CASQ2: variants seen among roughly 807,000 people sequenced by gnomAD.
CASQ2 encodes calsequestrin 2, also known as calsequestrin-2.
Under a neutral mutation model 46.5 loss-of-function variants are expected in CASQ2, and 49 were observed. The ratio of observed to expected loss-of-function variants is 1.05; its 90% CI spans 0.84 to 1.34. The LOEUF is 1.34. CASQ2 is among the 40% of genes most tolerant of loss of function. CASQ2 has a pLI of 0.00. For missense variants in CASQ2, 486 were observed against 481.3 expected (o/e 1.01, Z -0.09); for synonymous variants, 174 against 168.5 (o/e 1.03, Z -0.25).
At chr1:115,705,557 A>G (rs1337798326) in intron 8 of CASQ2, among the ~76,000 whole-genome samples, 1 of 152,214 alleles carries the variant, frequency 6.6e-6, no homozygotes. Flanking sequence ...TCATTTGTGA[A>G]AACTGCCCAG....
At chr1:115,705,696 G>T (rs1654339218) in intron 8 of CASQ2, among the ~76,000 whole-genome samples, 1 of 152,180 alleles carries the variant, frequency 6.6e-6, no homozygotes, top group African/African-American at 2.4e-5. Flanking sequence ...TAAGGACCAA[G>T]AATGTCTAAG....
intron 8 of CASQ2, among the ~76,000 whole-genome samples, chr1:115,716,375 C>A (rs1654700992): frequency 6.6e-6 from 1 of 152,178 alleles, no homozygotes; most frequent in Non-Finnish European, 1.5e-5. Context: ...TCATTTTCCC[C>A]AGGTCTCATT....
rs555137809 is a variant in CASQ2, at chr1:115,712,749, G to A, written c.838+5091C>T. Among the ~76,000 whole-genome samples, 5 of 151,842 alleles carry A rather than the reference G, an allele frequency of 3.3e-5. No homozygotes were observed. In the East Asian group the frequency reaches 5.8e-4, roughly 18 times the overall value. ...CCCATGCCTCTAATCCCAGCTACTC[G>A]GGAGGCTGAGGCAGGAGAATCGCTT... On this transcript the variant is annotated intron_variant, in intron 8 of 10. Coordinates refer to ENST00000261448, the MANE Select transcript of CASQ2 (RefSeq NM_001232.4).
At chr1:115,707,689 G>A (rs13374605) in intron 8 of CASQ2, among the ~76,000 whole-genome samples, 5,515 of 152,234 alleles carry the variant, frequency 0.036, 150 homozygotes, top group African/African-American at 0.073. Flanking sequence ...AAGACCACAA[G>A]GAGGAATTCC....
At chr1:115,716,271 G>C (rs1188462794) in intron 8 of CASQ2, among the ~76,000 whole-genome samples, 1 of 152,200 alleles carries the variant, frequency 6.6e-6, no homozygotes. Flanking sequence ...CACTGGTGTT[G>C]AAAAGAGTGA....
At chr1:115,704,608 A>C (rs1361608617) in intron 9 of CASQ2, among the ~76,000 whole-genome samples, 2 of 152,200 alleles carry the variant, frequency 1.3e-5, no homozygotes, top group Non-Finnish European at 2.9e-5. Context: ...AATGCTGTTT[A>C]TTCTTTTTTA....
chr1:115,733,603 G>A (rs1342304875), intron 4 of CASQ2, among the ~76,000 whole-genome samples: 4 of 152,044 alleles, frequency 2.6e-5, no homozygotes, highest in East Asian at 1.9e-4. Flanking sequence ...CATACTGGCC[G>A]AGGCAGTATG....
intron 2 of CASQ2, among the ~76,000 whole-genome samples, chr1:115,742,949 G>A (rs543361745): frequency 5.3e-5 from 8 of 151,754 alleles, no homozygotes; most frequent in East Asian, 2.0e-4. Context: ...CACCATGCCC[G>A]GCTAATTTGT....
At chr1:115,730,029 T>C (rs1016219101) in intron 5 of CASQ2, among the ~76,000 whole-genome samples, 1 of 152,250 alleles carries the variant, frequency 6.6e-6, no homozygotes, top group African/African-American at 2.4e-5. Flanking sequence ...TTTCTTGTTC[T>C]AACTGCTTCT....
chr1:115,754,413 A>G (rs17034482), intron 1 of CASQ2, among the ~76,000 whole-genome samples: 10,424 of 152,178 alleles, frequency 0.068, 1,213 homozygotes, highest in African/African-American at 0.24. Flanking sequence ...CCACCCCACA[A>G]TTCTGAGAGG....
At chr1:115,760,460 T>C (rs7520982) in intron 1 of CASQ2, among the ~76,000 whole-genome samples, 20,848 of 152,150 alleles carry the variant, frequency 0.14, 1,601 homozygotes, top group South Asian at 0.24. Context: ...TGGAGTGCAG[T>C]ATCTACTCAC....
At chr1:115,765,693 G>A (rs1293213155) in intron 1 of CASQ2, among the ~76,000 whole-genome samples, 1 of 151,962 alleles carries the variant, frequency 6.6e-6, no homozygotes, top group East Asian at 1.9e-4. Context: ...GTATATACTG[G>A]GTCATAGTCG....
intron 4 of CASQ2, among the ~76,000 whole-genome samples, chr1:115,733,534 C>T (rs543296200): frequency 5.3e-5 from 8 of 152,160 alleles, no homozygotes; most frequent in Admixed American, 5.2e-4. Flanking sequence ...TCTGATGCCT[C>T]AAGAGGATTT....
rs1156705851 is a variant in CASQ2, at chr1:115,705,284, C to T, written c.847G>A (p.Glu283Lys). Residue 283 changes from glutamate (E) to lysine (K), a missense_variant, in exon 9 of 11, where the codon GAA becomes AAA. Glu to Lys is a moderately conservative substitution (Grantham distance 56). Transcript: ENST00000261448. Reference sequence around the variant, plus strand: ...ACCTGTTTCAGGATCTCCAGGAATTCGTAGCCATCTGAAACAGGATTCAAG... The same window carrying T: ...ACCTGTTTCAGGATCTCCAGGAATTTGTAGCCATCTGAAACAGGATTCAAG... ...FAEKSDPDGY[E>K]FLEILKQVAR... The T allele has an allele frequency of 1.2e-6, 2 of 1,611,000 alleles. No individual in the cohort carries two copies. The highest frequency in any genetic ancestry group is 1.7e-6 in the Non-Finnish European group (2 of 1,177,346).
chr1:115,738,198 T>A, intron 4 of CASQ2, 26 bp downstream of exon 4: 1 of 1,368,688 alleles, frequency 7.3e-7, no homozygotes, highest in Non-Finnish European at 1.0e-6. Flanking sequence ...TTTAGACTGA[T>A]CGGCTGGGGT....
chr1:115,726,855 G>GAGTTGA, intron 6 of CASQ2, 137 bp downstream of exon 6: 2 of 691,496 alleles, frequency 2.9e-6, no homozygotes, highest in Non-Finnish European at 5.2e-6. Flanking sequence ...GATCAACAAA[G>GAGTTGA]CCATACTACT....
Position 115,747,639 on chromosome 1 carries a change from G to T in CASQ2, c.235-2727C>A, listed in dbSNP as rs535316007. Among the ~76,000 whole-genome samples the T allele has an allele frequency of 4.6e-5, 7 of 152,064 alleles. No individual in the cohort carries two copies. The South Asian group carries it at 1.5e-3, about 32-fold the overall frequency. On this transcript the variant is annotated intron_variant, in intron 1 of 10. Coordinates refer to ENST00000261448, the MANE Select transcript of CASQ2 (RefSeq NM_001232.4). ...TGTCTCCATTTATTTGATCTTCTTT[G>T]GTTTCTTTCATCAGCATTGTATAGT...
intron 10 of CASQ2, among the ~76,000 whole-genome samples, chr1:115,702,274 C>T (rs770290038): frequency 9.2e-5 from 14 of 152,148 alleles, no homozygotes; most frequent in Non-Finnish European, 1.9e-4. Flanking sequence ...TCTAATAATC[C>T]TCTGTGATCA....
At chr1:115,757,675 C>A (rs926770048) in intron 1 of CASQ2, among the ~76,000 whole-genome samples, 2 of 152,006 alleles carry the variant, frequency 1.3e-5, no homozygotes, top group African/African-American at 4.8e-5. Context: ...GAGGCTTCTG[C>A]CCACGTGCAT....
Sources: allele counts gnomAD v4.1 joint callset (sites outside exome capture counted in the v4.1 genomes callset), GRCh38; gene constraint gnomAD v4.1.1; transcripts MANE v1.5; gene names NCBI Gene and HGNC (gene_info 2026-07-23, HGNC 2026-07-21).